Variants in SORCS3 observed in about 807,000 individuals in gnomAD.
SORCS3 encodes sortilin related VPS10 domain containing receptor 3, also known as VPS10 domain-containing receptor SorCS3.
SORCS3 carries 57 observed loss-of-function variants against 146.3 expected under a neutral mutation model. The ratio of observed to expected loss-of-function variants is 0.39; its 90% CI spans 0.31 to 0.49. The LOEUF (loss-of-function observed/expected upper bound fraction) is 0.49. Ranked by LOEUF, SORCS3 falls within the 20% of genes least tolerant of loss-of-function variation. The pLI, the probability that SORCS3 is intolerant of heterozygous loss-of-function variation, is 0.92. For missense variants in SORCS3, 1,341 were observed against 1,575.5 expected, an observed-to-expected ratio of 0.85 and a Z score of 2.52; for synonymous variants, 653 against 618.5, an observed-to-expected ratio of 1.06 and a Z score of -0.83.
intron 2 of SORCS3, among the ~76,000 whole-genome samples, chr10:104,893,275 C>T (rs1243490344): frequency 6.6e-6 from 1 of 152,138 alleles, no homozygotes; most frequent in Non-Finnish European, 1.5e-5. Flanking sequence ...AAAAGAGTAA[C>T]GTAATGCAAG....
At chr10:104,939,448 A>G (rs1271616637) in intron 3 of SORCS3, among the ~76,000 whole-genome samples, 1 of 152,170 alleles carries the variant, frequency 6.6e-6, no homozygotes, top group African/African-American at 2.4e-5. Context: ...AACCCACAAA[A>G]TGTCCGATCA....
At chr10:104,727,075 A>G (rs2016644720) in intron 1 of SORCS3, among the ~76,000 whole-genome samples, 1 of 152,126 alleles carries the variant, frequency 6.6e-6, no homozygotes, top group Non-Finnish European at 1.5e-5. Flanking sequence ...TTGTCTCCCA[A>G]TCTGAACTGT....
At chr10:105,049,543 T>C (rs139170641) in intron 5 of SORCS3, among the ~76,000 whole-genome samples, 59 of 152,208 alleles carry the variant, frequency 3.9e-4, no homozygotes, top group African/African-American at 1.4e-3. Context: ...GGAGGGAGAA[T>C]TGGTAATAGT....
At chr10:104,721,018 G>T (rs1287120457) in intron 1 of SORCS3, among the ~76,000 whole-genome samples, 4 of 152,086 alleles carry the variant, frequency 2.6e-5, no homozygotes, top group African/African-American at 9.7e-5. Context: ...TTGTTGCCAT[G>T]GCTTTTGGTG....
chr10:105,189,326 C>G (rs1420333497), intron 14 of SORCS3, among the ~76,000 whole-genome samples: 1 of 152,138 alleles, frequency 6.6e-6, no homozygotes, highest in Admixed American at 6.5e-5. Flanking sequence ...CCCTGTCATT[C>G]TGATGATTCA....
At chr10:105,055,734 CA>C (rs1345582601) in intron 5 of SORCS3, among the ~76,000 whole-genome samples, 1 of 152,154 alleles carries the variant, frequency 6.6e-6, no homozygotes, top group East Asian at 1.9e-4. Context: ...ATTCAAATCC[CA>C]TTGCCTCATA....
intron 20 of SORCS3, among the ~76,000 whole-genome samples, chr10:105,228,147 T>C (rs1409182352): frequency 6.6e-6 from 1 of 152,046 alleles, no homozygotes; most frequent in Non-Finnish European, 1.5e-5. Flanking sequence ...CATTAATTAA[T>C]TTCTGGTTGT....
intron 1 of SORCS3, among the ~76,000 whole-genome samples, chr10:104,813,411 G>A (rs2017761140): frequency 6.6e-6 from 1 of 152,084 alleles, no homozygotes; most frequent in Non-Finnish European, 1.5e-5. Flanking sequence ...TAGATTTTAT[G>A]CTCCATGAAT....
intron 1 of SORCS3, among the ~76,000 whole-genome samples, chr10:104,769,625 A>G (rs2017224204): frequency 6.6e-6 from 1 of 152,172 alleles, no homozygotes; most frequent in African/African-American, 2.4e-5. Flanking sequence ...TGTTAGAGCC[A>G]GGGGAGATCC....
chr10:104,652,143 A>T (rs570298590), intron 1 of SORCS3, among the ~76,000 whole-genome samples: 5 of 152,118 alleles, frequency 3.3e-5, no homozygotes, highest in East Asian at 3.9e-4. Flanking sequence ...AGTATGATTT[A>T]AAAAAATGGA....
At chr10:105,187,165 T>A (rs1467794235) in intron 14 of SORCS3, among the ~76,000 whole-genome samples, 1 of 152,188 alleles carries the variant, frequency 6.6e-6, no homozygotes, top group Non-Finnish European at 1.5e-5. Flanking sequence ...TTCCTTTTGC[T>A]TCTTCTCTCC....
intron 5 of SORCS3, among the ~76,000 whole-genome samples, chr10:105,088,182 C>T (rs2055676081): frequency 1.3e-5 from 2 of 152,192 alleles, no homozygotes; most frequent in Admixed American, 6.5e-5. Context: ...TAATTTTGGC[C>T]TAGTCCCTGT....
rs147834372 is a variant in SORCS3, at chr10:104,835,911, C to T, written c.628-6881C>T. ...TGATTTGAATCAGCAACCCTGTGAG[C>T]GTGGCAGGGAAAGTGTACCATTACC... On this transcript the variant is annotated intron_variant, in intron 1 of 26. Transcript: ENST00000369701. Among the ~76,000 whole-genome samples, 6 of 152,296 alleles carry T rather than the reference C, an allele frequency of 3.9e-5. 1 individual carries two copies. Among genetic ancestry groups the T allele is most frequent in the East Asian group, 1.9e-4 (1 of 5,184 alleles).
chr10:105,250,568 C>T (rs2056892860), intron 22 of SORCS3, among the ~76,000 whole-genome samples: 1 of 152,070 alleles, frequency 6.6e-6, no homozygotes, highest in African/African-American at 2.4e-5. Context: ...ATTGTTCTTT[C>T]CTGAGACAAA....
intron 1 of SORCS3, among the ~76,000 whole-genome samples, chr10:104,702,288 C>T (rs1412287856): frequency 6.6e-6 from 1 of 152,130 alleles, no homozygotes; most frequent in Non-Finnish European, 1.5e-5. Context: ...CAATTAATAT[C>T]ACTATTACTT....
chr10:104,829,438 G>A (rs2017976776), intron 1 of SORCS3, among the ~76,000 whole-genome samples: 5 of 152,174 alleles, frequency 3.3e-5, no homozygotes, highest in Non-Finnish European at 7.3e-5. Flanking sequence ...GGCTTTCAGA[G>A]GAGGGAGAAG....
rs1025805659 is a variant in SORCS3, at chr10:104,903,717, A to G, written c.696-12116A>G. ...ATAGAGTCAAAACTATTCTCTAATA[A>G]TAATAAAATGTTATCTGCTTTTTAA... is the stretch of plus-strand genomic sequence containing the variant. On this transcript the variant is annotated intron_variant, in intron 2 of 26. Coordinates refer to ENST00000369701, the MANE Select transcript of SORCS3 (RefSeq NM_014978.3). Among the ~76,000 whole-genome samples the G allele has an allele frequency of 2.0e-5, 3 of 152,190 alleles. No homozygotes were observed. The East Asian group carries it at 5.8e-4, about 29-fold the overall frequency.
chr10:104,809,764 G>A (rs936749956), intron 1 of SORCS3, among the ~76,000 whole-genome samples: 61 of 152,262 alleles, frequency 4.0e-4, no homozygotes, highest in African/African-American at 1.3e-3. Flanking sequence ...TTATTTTGTC[G>A]TCTGTTGTGT....
Position 104,977,316 on chromosome 10 carries a change from C to T in SORCS3, c.796-19C>T, listed in dbSNP as rs1239047488. 5 of 1,590,534 alleles carry T rather than the reference C, an allele frequency of 3.1e-6. No homozygotes were observed. Among genetic ancestry groups the T allele is most frequent in the Non-Finnish European group, 4.3e-6 (5 of 1,167,886 alleles). On this transcript the variant is annotated intron_variant, in intron 3 of 26. Transcript: ENST00000369701. ...TCCTACTAACTCTGTCTGTATATGT[C>T]CCTCTATCCTTTCTTTAGATTATGC...
Sources: allele counts gnomAD v4.1 joint callset (sites outside exome capture counted in the v4.1 genomes callset), GRCh38; gene constraint gnomAD v4.1.1; transcripts MANE v1.5; gene names NCBI Gene and HGNC (gene_info 2026-07-23, HGNC 2026-07-21).